Variants in PTPRD observed in about 807,000 individuals in gnomAD.
PTPRD encodes the protein receptor-type tyrosine-protein phosphatase delta.
Under a neutral mutation model 214.5 loss-of-function variants are expected in PTPRD, and 34 were observed. The observed-to-expected ratio is 0.16, with a 90% CI of 0.12 to 0.21. The LOEUF is 0.21. Among genes scored for constraint, PTPRD ranks in the 10% least tolerant of loss-of-function variants. The pLI, the probability that PTPRD is intolerant of heterozygous loss-of-function variation, is 1.00. For synonymous variants in PTPRD, 1,128 were observed against 845.7 expected, an observed-to-expected ratio of 1.33 and a Z score of -5.79; for missense variants, 2,545 against 2,398.7, an observed-to-expected ratio of 1.06 and a Z score of -1.27.
chr9:9,155,952 T>C (rs532476297), intron 10 of PTPRD, among the ~76,000 whole-genome samples: 1 of 152,270 alleles, frequency 6.6e-6, no homozygotes, highest in South Asian at 2.1e-4. Context: ...AACAGAGACT[T>C]CAGAATTACT....
chr9:9,948,938 AAATT>A lies in PTPRD; in HGVS notation c.-471-10332_-471-10329del, dbSNP rs532207921. Among the ~76,000 whole-genome samples the A allele has an allele frequency of 1.2e-4, 19 of 152,234 alleles. No individual in the cohort carries two copies. The South Asian group carries it at 3.9e-3, about 32-fold the overall frequency. On this transcript the variant is annotated intron_variant, in intron 4 of 45. Coordinates refer to ENST00000381196, the MANE Select transcript of PTPRD (RefSeq NM_002839.4). ...AATAAAGCAGTAGCATTATCTAAAT[AAATT>A]AATATTACAGTGCAATGAGAAACAC...
intron 12 of PTPRD, among the ~76,000 whole-genome samples, chr9:8,675,799 A>G (rs1299361281): frequency 6.6e-6 from 1 of 152,152 alleles, no homozygotes; most frequent in African/African-American, 2.4e-5. Context: ...CAACCAGGGC[A>G]ATTTTAGAAG....
intron 10 of PTPRD, among the ~76,000 whole-genome samples, chr9:9,050,594 A>G (rs2099683013): frequency 6.6e-6 from 1 of 152,162 alleles, no homozygotes; most frequent in Non-Finnish European, 1.5e-5. Flanking sequence ...AAAATTGTAT[A>G]CATTTTAAAT....
chr9:8,930,035 T>G (rs1335790459), intron 11 of PTPRD, among the ~76,000 whole-genome samples: 1 of 151,782 alleles, frequency 6.6e-6, no homozygotes, highest in Non-Finnish European at 1.5e-5. Context: ...TATGTATACA[T>G]GTACCATGTT....
At chr9:9,599,151 A>G (rs2093577284) in intron 7 of PTPRD, among the ~76,000 whole-genome samples, 1 of 152,106 alleles carries the variant, frequency 6.6e-6, no homozygotes, top group Non-Finnish European at 1.5e-5. Flanking sequence ...CTACATTTCT[A>G]GAATCCAATA....
intron 9 of PTPRD, among the ~76,000 whole-genome samples, chr9:9,357,369 A>G (rs560443091): frequency 6.6e-6 from 1 of 151,440 alleles, no homozygotes; most frequent in South Asian, 2.1e-4. Flanking sequence ...AATTCATTTT[A>G]CCAATTTTTA....
intron 3 of PTPRD, among the ~76,000 whole-genome samples, chr9:10,194,331 TATATATATATATATAGAGAGAGAG>T (rs1226191785): frequency 1.9e-4 from 12 of 61,794 alleles, no homozygotes; most frequent in South Asian, 1.4e-3. Flanking sequence ...TATATATATA[TATATATATATATATAGAGAGAGAG>T]AGAGAGAGAG....
chr9:9,929,742 T>A (rs1204498767), intron 5 of PTPRD, among the ~76,000 whole-genome samples: 1 of 152,122 alleles, frequency 6.6e-6, no homozygotes, highest in Non-Finnish European at 1.5e-5. Context: ...CTGGATAAGG[T>A]TGATTTAATA....
At chr9:9,840,150 G>T (rs992174837) in intron 5 of PTPRD, among the ~76,000 whole-genome samples, 4 of 151,896 alleles carry the variant, frequency 2.6e-5, no homozygotes, top group Admixed American at 2.0e-4. Flanking sequence ...TGATTCTCCT[G>T]TCGCAGCCTT....
chr9:8,950,051 T>G (rs984932179), intron 11 of PTPRD, among the ~76,000 whole-genome samples: 7 of 152,172 alleles, frequency 4.6e-5, no homozygotes, highest in Non-Finnish European at 1.0e-4. Context: ...GTGTTGCAAT[T>G]CTACAAAATA....
chr9:9,367,275 G>C (rs888593972), intron 9 of PTPRD, among the ~76,000 whole-genome samples: 1 of 151,490 alleles, frequency 6.6e-6, no homozygotes, highest in East Asian at 1.9e-4. Context: ...TAACTGGAAG[G>C]AAAACAAGAA....
intron 4 of PTPRD, among the ~76,000 whole-genome samples, chr9:9,958,748 A>C (rs1566730529): frequency 6.6e-6 from 1 of 152,232 alleles, no homozygotes; most frequent in Non-Finnish European, 1.5e-5. Context: ...ATCTGGACAG[A>C]TACTTCAAAG....
At chr9:8,557,505 G>C (rs998173300) in intron 14 of PTPRD, among the ~76,000 whole-genome samples, 5 of 146,800 alleles carry the variant, frequency 3.4e-5, no homozygotes, top group Non-Finnish European at 7.4e-5. Flanking sequence ...CACTTTCGGA[G>C]GCCAATGTGG....
At chr9:9,288,729 C>A (rs1950259388) in intron 9 of PTPRD, among the ~76,000 whole-genome samples, 1 of 151,872 alleles carries the variant, frequency 6.6e-6, no homozygotes, top group Non-Finnish European at 1.5e-5. Context: ...CCACCCAAAT[C>A]TCACCTTGAA....
intron 2 of PTPRD, among the ~76,000 whole-genome samples, chr9:10,376,514 G>A (rs573111615): frequency 4.6e-5 from 7 of 151,496 alleles, no homozygotes; most frequent in South Asian, 4.2e-4. Context: ...AACATAATTC[G>A]TTACTTGCTT....
intron 2 of PTPRD, among the ~76,000 whole-genome samples, chr9:10,514,644 T>C (rs60229921): frequency 6.6e-6 from 1 of 151,880 alleles, no homozygotes; most frequent in African/African-American, 2.4e-5. Context: ...GTTAACCAAG[T>C]GACTTTTTTT....
intron 2 of PTPRD, among the ~76,000 whole-genome samples, chr9:10,444,547 G>A (rs1031075304): frequency 2.0e-5 from 3 of 151,706 alleles, no homozygotes; most frequent in African/African-American, 7.3e-5. Flanking sequence ...GAAACACAGT[G>A]GGATCTACAG....
intron 42 of PTPRD, among the ~76,000 whole-genome samples, chr9:8,340,066 C>T (rs955932452): frequency 1.1e-4 from 17 of 152,146 alleles, no homozygotes; most frequent in Non-Finnish European, 1.6e-4. Context: ...AAAAGAAGTC[C>T]GACATAAGTC....
intron 4 of PTPRD, among the ~76,000 whole-genome samples, chr9:9,959,429 A>G (rs1244189257): frequency 6.6e-6 from 1 of 152,190 alleles, no homozygotes; most frequent in African/African-American, 2.4e-5. Context: ...TGGTGGACAC[A>G]TGACAGTACA....
Sources: gnomAD v4.1 joint callset for allele counts (sites outside exome capture counted in the v4.1 genomes callset) on GRCh38, gnomAD v4.1.1 for gene constraint, MANE v1.5 for transcripts, NCBI Gene and HGNC (gene_info 2026-07-23, HGNC 2026-07-21) for gene names.